INPP5F: variants seen among roughly 807,000 people sequenced by gnomAD.
INPP5F encodes inositol polyphosphate-5-phosphatase F.
A neutral mutation model predicts 137.2 loss-of-function variants in INPP5F; 97 were observed. The ratio of observed to expected loss-of-function variants is 0.71; its 90% CI spans 0.60 to 0.84. INPP5F has a LOEUF of 0.84. Ranked by LOEUF, INPP5F falls within the 40% of genes least tolerant of loss-of-function variation. The probability of loss-of-function intolerance (pLI) is 0.00; values close to 1 mark genes in which losing one functional copy is unlikely to be tolerated. For missense variants in INPP5F, 1,271 were observed against 1,371.9 expected (o/e 0.93, Z 1.16); for synonymous variants, 504 against 476.9 (o/e 1.06, Z -0.74).
chr10:119,741,337 C>G (rs1364966117), intron 1 of INPP5F, among the ~76,000 whole-genome samples: 3 of 152,150 alleles, frequency 2.0e-5, no homozygotes, highest in African/African-American at 7.2e-5. Flanking sequence ...CCTGAATTTA[C>G]TACCTGTTGT....
intron 7 of INPP5F, 113 bp downstream of exon 7, chr10:119,797,026 A>G (rs1412689519): frequency 1.5e-5 from 16 of 1,059,532 alleles, no homozygotes; most frequent in Admixed American, 4.0e-5. Flanking sequence ...GTTGGCTTCA[A>G]AGTGCTTGGG....
chr10:119,728,496 T>G (rs771376987), intron 1 of INPP5F, among the ~76,000 whole-genome samples: 18 of 152,268 alleles, frequency 1.2e-4, no homozygotes, highest in Non-Finnish European at 2.1e-4. Context: ...CTGTTTGTAG[T>G]GACAGCATTT....
intron 15 of INPP5F, among the ~76,000 whole-genome samples, 200 bp from the exon 16 acceptor site, chr10:119,820,646 T>G (rs1036724548): frequency 6.6e-6 from 1 of 152,184 alleles, no homozygotes. Flanking sequence ...TTCCCACATC[T>G]GCTTTTCCTT....
intron 1 of INPP5F, among the ~76,000 whole-genome samples, chr10:119,739,754 T>A (rs989779382): frequency 2.0e-5 from 3 of 152,100 alleles, no homozygotes; most frequent in Non-Finnish European, 4.4e-5. Flanking sequence ...TTTAGCCTTC[T>A]AGGTGGCTGG....
intron 1 of INPP5F, among the ~76,000 whole-genome samples, chr10:119,729,180 C>T (rs979469385): frequency 3.9e-5 from 6 of 152,116 alleles, no homozygotes; most frequent in Admixed American, 1.3e-4. Context: ...GAGTCTTGCT[C>T]TGTTGCCCAG....
chr10:119,792,641 C>T (rs1850189533), intron 6 of INPP5F, among the ~76,000 whole-genome samples: 1 of 146,326 alleles, frequency 6.8e-6, no homozygotes, highest in African/African-American at 2.5e-5. Context: ...AGCCAAATCT[C>T]TGAGGCCATT....
At chr10:119,817,424 G>GCTA (rs1851320313) in intron 15 of INPP5F, among the ~76,000 whole-genome samples, 1 of 152,198 alleles carries the variant, frequency 6.6e-6, no homozygotes, top group Non-Finnish European at 1.5e-5. Flanking sequence ...TGGCCACGCC[G>GCTA]TTTTACGTTT....
At chr10:119,730,650 G>A (rs919568037) in intron 1 of INPP5F, among the ~76,000 whole-genome samples, 1 of 152,132 alleles carries the variant, frequency 6.6e-6, no homozygotes, top group African/African-American at 2.4e-5. Flanking sequence ...ATAGCTGTGT[G>A]TAAATTATAT....
At chr10:119,811,628 A>G in intron 14 of INPP5F, 129 bp from the exon 15 acceptor site, 1 of 702,168 alleles carries the variant, frequency 1.4e-6, no homozygotes, top group Non-Finnish European at 2.3e-6. Flanking sequence ...GCCTAATCCA[A>G]GGTTACAAAG....
chr10:119,734,746 A>G (rs10749328), intron 1 of INPP5F, among the ~76,000 whole-genome samples: 42,758 of 152,120 alleles, frequency 0.28, 6,313 homozygotes, highest in East Asian at 0.52. Context: ...CTGTGTTACT[A>G]TGTCTCTGTG....
At chr10:119,820,257 G>T (rs1672473618) in intron 15 of INPP5F, among the ~76,000 whole-genome samples, 1 of 152,102 alleles carries the variant, frequency 6.6e-6, no homozygotes, top group Admixed American at 6.5e-5. Flanking sequence ...ATTTTAGAAT[G>T]GGTATAAATA....
intron 18 of INPP5F, 51 bp downstream of exon 18, chr10:119,823,250 T>G (rs752240498): frequency 5.7e-6 from 9 of 1,572,424 alleles, no homozygotes; most frequent in Non-Finnish European, 7.8e-6. Flanking sequence ...CTATTTATTC[T>G]TAAAAGCCCA....
chr10:119,806,450 T>C lies in INPP5F; in HGVS notation c.1410T>C (p.Ala470=), dbSNP rs779563831. The C allele has an allele frequency of 6.2e-7, 1 of 1,609,058 alleles. No homozygotes were observed. The highest frequency in any genetic ancestry group is 8.5e-7 in the Non-Finnish European group (1 of 1,178,030). Residue 470 remains alanine (A), a synonymous_variant, in exon 12 of 20, where the codon GCT becomes GCC. Transcript: ENST00000650623. ...DCLDRTNVVQ[A]AIARVVMEQQ... The stretch of plus-strand genomic sequence containing the variant: ...TGGATCGCACCAACGTGGTCCAAGC[T>C]GCCATCGCGAGAGTGGTCATGGAAC...
intron 17 of INPP5F, among the ~76,000 whole-genome samples, chr10:119,822,821 G>A (rs1258318686): frequency 6.6e-6 from 1 of 152,118 alleles, no homozygotes; most frequent in Non-Finnish European, 1.5e-5. Flanking sequence ...TGATAGATAT[G>A]GTCTTATCAT....
chr10:119,762,203 T>C (rs950345748), intron 2 of INPP5F, among the ~76,000 whole-genome samples: 2 of 152,216 alleles, frequency 1.3e-5, no homozygotes, highest in African/African-American at 4.8e-5. Context: ...TTTGGGCTGC[T>C]GTAACAGAAT....
In INPP5F at chr10:119,826,663, G is replaced by A; in HGVS notation, c.2282G>A (p.Gly761Asp). The change falls in exon 20 of 20, where the codon GGT (glycine) becomes GAT (aspartate). Residue 761 changes from glycine (G) to aspartate (D), a missense_variant. Around this residue, in one of 6 missense-constraint regions of INPP5F, gnomAD observed 490 missense variants for 443.7 expected, o/e 1.10. Transcript: ENST00000650623. Reference sequence around the variant, plus strand: ...AGTAAACCTCACGAAGACATCATTGGTATCAGGTCTCAAAACCAAGGTTCT... The same window carrying A: ...AGTAAACCTCACGAAGACATCATTGATATCAGGTCTCAAAACCAAGGTTCT... ...KSSKPHEDII[G>D]IRSQNQGSLA... 2 of 1,603,202 alleles carry A rather than the reference G, an allele frequency of 1.2e-6. No individual in the cohort carries two copies. The highest frequency in any genetic ancestry group is 1.7e-6 in the Non-Finnish European group (2 of 1,177,126).
chr10:119,740,088 C>T (rs192603411), intron 1 of INPP5F, among the ~76,000 whole-genome samples: 125 of 152,222 alleles, frequency 8.2e-4, no homozygotes, highest in Admixed American at 6.9e-3. Context: ...GGTATTGTTG[C>T]CATTAAAATT....
At chr10:119,821,806 T>C (rs956736688) in intron 16 of INPP5F, among the ~76,000 whole-genome samples, 5 of 152,114 alleles carry the variant, frequency 3.3e-5, no homozygotes, top group African/African-American at 1.2e-4. Flanking sequence ...AGGTTTTAGG[T>C]TTGTTTTCAT....
intron 1 of INPP5F, among the ~76,000 whole-genome samples, chr10:119,746,731 G>A (rs1345136253): frequency 6.6e-6 from 1 of 151,924 alleles, no homozygotes; most frequent in Admixed American, 6.6e-5. Context: ...AGAAAAATTA[G>A]GAGGCATGAA....
Sources: allele counts gnomAD v4.1 joint callset (sites outside exome capture counted in the v4.1 genomes callset), GRCh38; gene constraint gnomAD v4.1.1; regional missense constraint gnomAD v4.1.1; transcripts MANE v1.5; gene names NCBI Gene and HGNC (gene_info 2026-07-23, HGNC 2026-07-21).